The following PLPPR1 variants were observed in gnomAD, a reference collection of about 807,000 sequenced individuals.
The protein encoded by PLPPR1 is phospholipid phosphatase-related protein type 1.
PLPPR1 carries 10 observed loss-of-function variants against 33.1 expected under a neutral mutation model. That is an observed-to-expected ratio of 0.30 (90% confidence interval 0.19 to 0.51). The LOEUF (loss-of-function observed/expected upper bound fraction) is 0.51. Among genes scored for constraint, PLPPR1 ranks in the 20% least tolerant of loss-of-function variants. The pLI, the probability that PLPPR1 is intolerant of heterozygous loss-of-function variation, is 0.97. For missense variants in PLPPR1, 304 were observed against 408.1 expected, an observed-to-expected ratio of 0.74 and a Z score of 2.20; for synonymous variants, 151 against 151.0, an observed-to-expected ratio of 1.00 and a Z score of 0.00.
At chr9:101,269,781 G>A in intron 2 of PLPPR1, 99 bp from the exon 3 acceptor site, 1 of 1,154,192 alleles carries the variant, frequency 8.7e-7, no homozygotes, top group Non-Finnish European at 1.3e-6. Flanking sequence ...CCAATATCAG[G>A]AGAGCCGCTG....
chr9:101,239,815 T>G (rs929772875), intron 2 of PLPPR1, among the ~76,000 whole-genome samples: 15 of 152,042 alleles, frequency 9.9e-5, no homozygotes, highest in Non-Finnish European at 2.2e-4. Context: ...GTTAGATGAA[T>G]AGCTTGCAAA....
chr9:101,219,494 G>T (rs112927462), intron 2 of PLPPR1, among the ~76,000 whole-genome samples: 22 of 152,162 alleles, frequency 1.4e-4, no homozygotes, highest in African/African-American at 4.8e-4. Flanking sequence ...CTATTTCCTC[G>T]CCATGCCAGA....
At chr9:101,030,624 C>T (rs1165738349) in intron 1 of PLPPR1, among the ~76,000 whole-genome samples, 2 of 151,756 alleles carry the variant, frequency 1.3e-5, no homozygotes, top group African/African-American at 4.8e-5. Flanking sequence ...CGTCAGGAGC[C>T]TTGTATTTTT....
At chr9:101,177,712 A>C (rs1431073762) in intron 1 of PLPPR1, among the ~76,000 whole-genome samples, 1 of 152,172 alleles carries the variant, frequency 6.6e-6, no homozygotes, top group Non-Finnish European at 1.5e-5. Context: ...TGAGGTTGTA[A>C]ATATTTTCAT....
chr9:101,068,250 C>T (rs1830443332), intron 1 of PLPPR1, among the ~76,000 whole-genome samples: 1 of 152,038 alleles, frequency 6.6e-6, no homozygotes, highest in African/African-American at 2.4e-5. Context: ...AGGGAAAATA[C>T]TTCTCAAATT....
At chr9:101,311,597 T>C (rs1399602071) in intron 5 of PLPPR1, among the ~76,000 whole-genome samples, 1 of 152,222 alleles carries the variant, frequency 6.6e-6, no homozygotes, top group Non-Finnish European at 1.5e-5. Context: ...GAAAATAGTG[T>C]AATAATATGC....
At position 101,215,756 on chromosome 9, in the gene PLPPR1, C is replaced by T. The variant is rs112454453; in HGVS notation, c.63+30199C>T. Among the ~76,000 whole-genome samples the T allele has an allele frequency of 1.4e-4, 22 of 152,088 alleles. 1 individual carries two copies. The highest frequency in any genetic ancestry group is 2.6e-4 in the Non-Finnish European group (18 of 68,008). On this transcript the variant is annotated intron_variant, in intron 2 of 7. Coordinates refer to ENST00000374874, the MANE Select transcript of PLPPR1 (RefSeq NM_207299.2). ...AACATGTGATATTTGTCTTTCTGTG[C>T]CTGGCTTATTTCACTTCACATAATG... is the stretch of plus-strand genomic sequence containing the variant.
At chr9:101,061,021 T>C (rs1292376255) in intron 1 of PLPPR1, among the ~76,000 whole-genome samples, 2 of 151,942 alleles carry the variant, frequency 1.3e-5, no homozygotes, top group African/African-American at 4.8e-5. Flanking sequence ...TGAAGACTTG[T>C]CACCTTTCAA....
intron 1 of PLPPR1, among the ~76,000 whole-genome samples, chr9:101,053,599 C>T (rs560348781): frequency 5.3e-5 from 8 of 152,240 alleles, no homozygotes; most frequent in Admixed American, 2.0e-4. Flanking sequence ...GATAATTCCT[C>T]GGCCTACCTT....
rs760516638 is a variant in PLPPR1, at chr9:101,309,461, G to A, written c.636G>A (p.Thr212=). ...GCATTTACTCCGCCTTATATGCCAC[G>A]GTGAGTGTGCAAGTCTTGTCTCTCC... ...ALSIYSALYA[T]MYITSTIKTK... Residue 212 remains threonine, a splice_region_variant and synonymous_variant, in exon 5 of 8, where the codon ACG becomes ACA. Transcript: ENST00000374874. 8.1e-6 allele frequency: 13 copies of A among 1,613,352 alleles called. No individual in the cohort carries two copies. The highest frequency in any genetic ancestry group is 1.6e-4 in the Middle Eastern group (1 of 6,066).
At chr9:101,158,264 T>C (rs1162962583) in intron 1 of PLPPR1, among the ~76,000 whole-genome samples, 3 of 151,738 alleles carry the variant, frequency 2.0e-5, no homozygotes, top group Non-Finnish European at 4.4e-5. Context: ...AAAAGGAAAA[T>C]GGAGGGTAGA....
intron 1 of PLPPR1, among the ~76,000 whole-genome samples, chr9:101,086,494 A>G (rs750675687): frequency 1.2e-4 from 19 of 152,180 alleles, no homozygotes; most frequent in Non-Finnish European, 2.5e-4. Flanking sequence ...ATAGCCAGGT[A>G]GCTGCCTACA....
intron 5 of PLPPR1, 78 bp downstream of exon 5, chr9:101,309,539 C>T: frequency 6.7e-7 from 1 of 1,487,400 alleles, no homozygotes; most frequent in Admixed American, 1.9e-5. Flanking sequence ...TCCATTCTTT[C>T]ATTGTCACTT....
chr9:101,223,514 A>T (rs941462365), intron 2 of PLPPR1, among the ~76,000 whole-genome samples: 3 of 152,170 alleles, frequency 2.0e-5, no homozygotes, highest in African/African-American at 7.2e-5. Flanking sequence ...GTCCCCACCC[A>T]AATCTCATCT....
intron 1 of PLPPR1, among the ~76,000 whole-genome samples, chr9:101,174,030 G>A (rs1431674455): frequency 3.3e-5 from 5 of 152,074 alleles, no homozygotes; most frequent in African/African-American, 4.8e-5. Context: ...GGTGGCATGT[G>A]CTGTAGTTCC....
chr9:101,289,293 C>G (rs914043384), intron 4 of PLPPR1, among the ~76,000 whole-genome samples: 6 of 152,216 alleles, frequency 3.9e-5, no homozygotes, highest in Non-Finnish European at 7.3e-5. Flanking sequence ...CTCCACTGAG[C>G]CTTGCACCTA....
chr9:101,033,016 A>G (rs897503062), intron 1 of PLPPR1, among the ~76,000 whole-genome samples: 1 of 152,194 alleles, frequency 6.6e-6, no homozygotes, highest in Non-Finnish European at 1.5e-5. Context: ...CTTTAAAAAT[A>G]ATCTGCACCA....
At chr9:101,116,360 A>G (rs1402985343) in intron 1 of PLPPR1, among the ~76,000 whole-genome samples, 2 of 152,238 alleles carry the variant, frequency 1.3e-5, no homozygotes, top group Non-Finnish European at 2.9e-5. Flanking sequence ...AGTCTGAATC[A>G]ATATTCTAAT....
At chr9:101,143,739 C>T (rs1442682268) in intron 1 of PLPPR1, among the ~76,000 whole-genome samples, 1 of 152,194 alleles carries the variant, frequency 6.6e-6, no homozygotes, top group African/African-American at 2.4e-5. Flanking sequence ...GATACCATCT[C>T]ACACCAGTTA....
Sources: gnomAD v4.1 joint callset for allele counts (sites outside exome capture counted in the v4.1 genomes callset) on GRCh38, gnomAD v4.1.1 for gene constraint, MANE v1.5 for transcripts, NCBI Gene and HGNC (gene_info 2026-07-23, HGNC 2026-07-21) for gene names.